Variants in NWD2 observed in about 807,000 individuals in gnomAD.
NWD2 encodes the protein NACHT and WD repeat domain containing 2, also known as NACHT and WD repeat domain-containing protein 2.
A neutral mutation model predicts 132.7 loss-of-function variants in NWD2; 37 were observed. The ratio of observed to expected loss-of-function variants is 0.28; its 90% CI spans 0.21 to 0.37. The LOEUF is 0.37. NWD2 is among the 10% of genes least tolerant of loss of function. NWD2 has a pLI of 1.00. For missense variants in NWD2, 1,592 were observed against 2,122.4 expected (o/e 0.75, Z 4.91); for synonymous variants, 705 against 803.0 (o/e 0.88, Z 2.06).
chr4:37,356,427 C>G lies in NWD2; in HGVS notation c.302C>G (p.Thr101Ser). The change falls in exon 3 of 7, where the codon ACC becomes AGC. Residue 101 changes from threonine (T) to serine (S), a missense_variant. Thr to Ser is a moderately conservative substitution (Grantham distance 58). Around this residue, in one of 7 missense-constraint regions of NWD2, gnomAD observed 144 missense variants for 185.7 expected, o/e 0.78. Transcript: ENST00000309447. ...TGGGACAGCCCAGAGCTCCAGAAGA[C>G]CCGCATGAAGCTGCTGGAGAATTGC... ...DEWDSPELQKTRMKLLENCLK... is the reference protein window; with the variant it reads ...DEWDSPELQKSRMKLLENCLK... The G allele has an allele frequency of 1.9e-6, 3 of 1,551,526 alleles. No homozygotes were observed. The highest frequency in any genetic ancestry group is 2.6e-6 in the Non-Finnish European group (3 of 1,146,852).
Position 37,446,455 on chromosome 4 carries a change from C to T in NWD2, c.4467C>T (p.Asp1489=). Residue 1489 remains aspartate (D), a synonymous_variant, in exon 7 of 7, where the codon GAC becomes GAT. Coordinates refer to ENST00000309447, the MANE Select transcript of NWD2 (RefSeq NM_001144990.2). The surrounding 1 kb of genome is among the most constrained non-coding windows in gnomAD (Gnocchi z 6.7). The part of the protein sequence containing the change: ...TTIVNFKLIP[D]CPDIIVFITS... Reference sequence around the variant, plus strand: ...TCGTGAATTTTAAATTAATCCCTGACTGTCCTGATATCATCGTGTTTATCA... The same window carrying T: ...TCGTGAATTTTAAATTAATCCCTGATTGTCCTGATATCATCGTGTTTATCA... 1 of 1,551,734 alleles carries T rather than the reference C, an allele frequency of 6.4e-7. No individual in the cohort carries two copies. Among genetic ancestry groups the T allele is most frequent in the Non-Finnish European group, 8.7e-7 (1 of 1,147,012 alleles).
intron 3 of NWD2, among the ~76,000 whole-genome samples, chr4:37,363,637 CCA>C (rs1468782314): frequency 1.3e-5 from 2 of 152,068 alleles, no homozygotes; most frequent in East Asian, 1.9e-4. Context: ...GACTACTCAG[CCA>C]CACACACATG....
At chr4:37,390,409 A>ATGTTT (rs3064358) in intron 3 of NWD2, among the ~76,000 whole-genome samples, 108 of 150,064 alleles carry the variant, frequency 7.2e-4, no homozygotes, top group Middle Eastern at 3.4e-3. Flanking sequence ...ATAATCTGAA[A>ATGTTT]TTTTTTTTTT....
chr4:37,277,192 C>G (rs935770157), intron 1 of NWD2, among the ~76,000 whole-genome samples: 1 of 150,896 alleles, frequency 6.6e-6, no homozygotes, highest in Non-Finnish European at 1.5e-5. Context: ...AGATGTTTTG[C>G]TTTTCTTTGT....
intron 1 of NWD2, among the ~76,000 whole-genome samples, chr4:37,247,589 G>A (rs974280394): frequency 2.0e-5 from 3 of 151,126 alleles, no homozygotes; most frequent in Admixed American, 2.0e-4. Flanking sequence ...ATAATAGAAT[G>A]AAATAGATAA....
In NWD2 at chr4:37,265,771, CT is replaced by C. The variant is rs1226233313; in HGVS notation, c.151+20554del. ...AGGACCCTTGTGATTATATTGGATC[CT>C]CCCAGATAATCCAAAATAGTCTCCC... On this transcript the variant is annotated intron_variant, in intron 1 of 6. Coordinates refer to ENST00000309447, the MANE Select transcript of NWD2 (RefSeq NM_001144990.2). Among the ~76,000 whole-genome samples the C allele has an allele frequency of 2.0e-5, 3 of 151,904 alleles. No individual in the cohort carries two copies. The East Asian group carries it at 5.8e-4, about 29-fold the overall frequency.
intron 4 of NWD2, among the ~76,000 whole-genome samples, chr4:37,432,605 G>A (rs958649497): frequency 2.0e-5 from 3 of 152,110 alleles, no homozygotes; most frequent in African/African-American, 7.2e-5. Context: ...AGGTTCATGT[G>A]TGCATTTGTT....
At chr4:37,288,933 C>T (rs2109271339) in intron 1 of NWD2, among the ~76,000 whole-genome samples, 1 of 151,706 alleles carries the variant, frequency 6.6e-6, no homozygotes, top group South Asian at 2.1e-4. Context: ...TCTAGGGAAA[C>T]AACAGTTATA....
intron 1 of NWD2, among the ~76,000 whole-genome samples, chr4:37,248,193 G>T (rs1717283375): frequency 6.6e-6 from 1 of 152,088 alleles, no homozygotes; most frequent in South Asian, 2.1e-4. Context: ...CACCACGTGG[G>T]CAAGACAATA....
intron 3 of NWD2, among the ~76,000 whole-genome samples, chr4:37,376,343 T>G (rs887861521): frequency 1.8e-4 from 28 of 152,232 alleles, no homozygotes; most frequent in African/African-American, 6.5e-4. Context: ...AGAAGGGATA[T>G]CATATTTATT....
chr4:37,401,122 A>G (rs1264504281), intron 3 of NWD2, among the ~76,000 whole-genome samples: 1 of 152,232 alleles, frequency 6.6e-6, no homozygotes, highest in African/African-American at 2.4e-5. Context: ...CTCCTAGAAC[A>G]GCTTGTAATG....
intron 1 of NWD2, among the ~76,000 whole-genome samples, chr4:37,265,567 C>G (rs774405882): frequency 1.5e-4 from 23 of 152,050 alleles, no homozygotes; most frequent in Non-Finnish European, 2.8e-4. Flanking sequence ...CTTCTAGACT[C>G]TAGGTGCATT....
At chr4:37,263,279 T>C (rs1389666444) in intron 1 of NWD2, among the ~76,000 whole-genome samples, 1 of 152,162 alleles carries the variant, frequency 6.6e-6, no homozygotes, top group Non-Finnish European at 1.5e-5. Context: ...TCAAGAATCA[T>C]ACTGACTATT....
chr4:37,341,063 A>ATTTCTTGAC (rs1389020695), intron 2 of NWD2, among the ~76,000 whole-genome samples: 3 of 152,148 alleles, frequency 2.0e-5, no homozygotes, highest in Non-Finnish European at 2.9e-5. Flanking sequence ...TTGACTTACG[A>ATTTCTTGAC]TTTCTTGACT....
intron 1 of NWD2, among the ~76,000 whole-genome samples, chr4:37,259,947 C>T (rs1717594993): frequency 6.6e-6 from 1 of 152,224 alleles, no homozygotes; most frequent in Non-Finnish European, 1.5e-5. Context: ...CTGGCAGGAG[C>T]AATGAGAAAT....
chr4:37,399,503 T>G (rs1444569878), intron 3 of NWD2, among the ~76,000 whole-genome samples: 1 of 152,238 alleles, frequency 6.6e-6, no homozygotes, highest in Non-Finnish European at 1.5e-5. Flanking sequence ...GGATTTCTCT[T>G]TGAGATCACT....
chr4:37,346,862 T>A (rs1241315232), intron 2 of NWD2, among the ~76,000 whole-genome samples: 1 of 152,122 alleles, frequency 6.6e-6, no homozygotes, highest in Non-Finnish European at 1.5e-5. Flanking sequence ...TTTCATCAGA[T>A]TTTTTCATTG....
chr4:37,295,201 G>A (rs1577658719), intron 1 of NWD2, among the ~76,000 whole-genome samples: 1 of 152,252 alleles, frequency 6.6e-6, no homozygotes, highest in East Asian at 1.9e-4. Flanking sequence ...TTGTCAGAGT[G>A]TGTTGGTGTC....
chr4:37,408,527 G>GATAAAAAAGGTTTTA (rs1268947172), intron 3 of NWD2, among the ~76,000 whole-genome samples: 1 of 152,248 alleles, frequency 6.6e-6, no homozygotes, highest in Non-Finnish European at 1.5e-5. Flanking sequence ...AGCAGACCCA[G>GATAAAAAAGGTTTTA]TCAGGGACTT....
Sources: allele counts gnomAD v4.1 joint callset (sites outside exome capture counted in the v4.1 genomes callset), GRCh38; gene constraint gnomAD v4.1.1; regional missense constraint gnomAD v4.1.1; non-coding constraint Gnocchi (gnomAD v3.1); transcripts MANE v1.5; gene names NCBI Gene and HGNC (gene_info 2026-07-23, HGNC 2026-07-21).